DRAM1: variants seen among roughly 807,000 people sequenced by gnomAD.
DRAM1 encodes DNA damage-regulated autophagy modulator protein 1.
Under a neutral mutation model 28.5 loss-of-function variants are expected in DRAM1, and 25 were observed. The ratio of observed to expected loss-of-function variants is 0.88; its 90% CI spans 0.64 to 1.23. The LOEUF is 1.23. DRAM1 is among the 50% of genes most tolerant of loss of function. DRAM1 has a pLI of 0.00. For missense variants in DRAM1, 249 were observed against 299.2 expected (o/e 0.83, Z 1.24); for synonymous variants, 113 against 114.2 (o/e 0.99, Z 0.07).
At chr12:101,908,008 T>C (rs1873888363) in intron 3 of DRAM1, among the ~76,000 whole-genome samples, 178 bp from the exon 4 acceptor site, 2 of 152,102 alleles carry the variant, frequency 1.3e-5, no homozygotes, top group East Asian at 3.9e-4. Flanking sequence ...CAACCAACTT[T>C]TTGGCATTAA....
intron 2 of DRAM1, among the ~76,000 whole-genome samples, chr12:101,898,622 A>T (rs867255452): frequency 1.3e-5 from 2 of 152,208 alleles, no homozygotes; most frequent in Admixed American, 6.5e-5. Context: ...ATGAAAAGTC[A>T]CCTGGAGTTC....
chr12:101,913,674 C>G (rs1874122759), intron 4 of DRAM1, among the ~76,000 whole-genome samples: 1 of 144,032 alleles, frequency 6.9e-6, no homozygotes, highest in African/African-American at 2.6e-5. Flanking sequence ...CCATTGCACT[C>G]CAGCCTGGGT....
intron 5 of DRAM1, among the ~76,000 whole-genome samples, chr12:101,915,998 TA>T (rs1874230585): frequency 6.6e-6 from 1 of 152,210 alleles, no homozygotes; most frequent in South Asian, 2.1e-4. Context: ...ACGTTTCAAA[TA>T]GGGGAAATCT....
At chr12:101,895,925 T>C (rs4764675) in intron 1 of DRAM1, among the ~76,000 whole-genome samples, 76,804 of 150,384 alleles carry the variant, frequency 0.51, 19,919 homozygotes, top group East Asian at 0.63. Flanking sequence ...CTTGCTCTGT[T>C]GCCCAGGCTG....
intron 1 of DRAM1, among the ~76,000 whole-genome samples, chr12:101,881,816 C>T (rs1450034626): frequency 1.3e-5 from 2 of 152,182 alleles, no homozygotes; most frequent in East Asian, 3.8e-4. Context: ...TTATTATTCA[C>T]CACAGCACGT....
chr12:101,887,916 T>C (rs1413606334), intron 1 of DRAM1, among the ~76,000 whole-genome samples: 4 of 152,112 alleles, frequency 2.6e-5, no homozygotes, highest in Non-Finnish European at 5.9e-5. Flanking sequence ...GTGGTGATGT[T>C]GGCTTTCCTG....
Position 101,908,345 on chromosome 12 carries a change from T to C in DRAM1, c.502T>C (p.Cys168Arg). 1.2e-6 allele frequency: 2 copies of C among 1,610,448 alleles called. No homozygotes were observed. Among genetic ancestry groups the C allele is most frequent in the Non-Finnish European group, 1.7e-6 (2 of 1,178,976 alleles). ...HIRMVISAVS[C>R]AAVIPMIVCA... ...ACGGATGGTCATCTCTGCCGTTTCTTGCGCAGCTGTCATCCCCAGTATCCT... is the reference window on the plus strand; with the variant it reads ...ACGGATGGTCATCTCTGCCGTTTCTCGCGCAGCTGTCATCCCCAGTATCCT... The change falls in exon 4 of 7, where the codon TGC (cysteine) becomes CGC (arginine). Residue 168 changes from cysteine (C) to arginine (R), a missense_variant. Cys to Arg is a radical substitution (Grantham distance 180, BLOSUM62 -3). Transcript: ENST00000258534.
chr12:101,916,209 C>T (rs1366948821), intron 5 of DRAM1, among the ~76,000 whole-genome samples: 2 of 152,136 alleles, frequency 1.3e-5, no homozygotes, highest in Non-Finnish European at 1.5e-5. Context: ...GATGAGATAT[C>T]GAGGTTAGAA....
At chr12:101,905,771 TTATTTATTTATTTATG>T (rs1348506646) in intron 3 of DRAM1, among the ~76,000 whole-genome samples, 6 of 149,956 alleles carry the variant, frequency 4.0e-5, no homozygotes, top group African/African-American at 9.9e-5. Context: ...ATTTATTTAT[TTATTTATTTATTTATG>T]TATTTATTTA....
intron 1 of DRAM1, among the ~76,000 whole-genome samples, chr12:101,891,843 TAG>T (rs1489979719): frequency 6.6e-6 from 1 of 152,208 alleles, no homozygotes; most frequent in Non-Finnish European, 1.5e-5. Context: ...AGGAGCTGGG[TAG>T]AGAGACTACT....
Position 101,921,479 on chromosome 12 carries a change from T to G in DRAM1, c.*219T>G, listed in dbSNP as rs1361262215. On this transcript the variant is annotated 3_prime_UTR_variant, in exon 7 of 7. Transcript: ENST00000258534. Reference sequence around the variant, plus strand: ...GACACTGTAGTGATGTTTTTATAATTTTCTAAGTAGATTTTTTTATATTAA... The same window carrying G: ...GACACTGTAGTGATGTTTTTATAATGTTCTAAGTAGATTTTTTTATATTAA... 10 of 377,332 alleles carry G rather than the reference T, an allele frequency of 2.7e-5. No individual in the cohort carries two copies. Among genetic ancestry groups the G allele is most frequent in the Non-Finnish European group, 9.4e-6 (2 of 212,562 alleles). 23.4% of individuals were successfully genotyped at this position (377,332 alleles called of 1,614,324 possible).
At chr12:101,907,223 A>ACG (rs1873853805) in intron 3 of DRAM1, among the ~76,000 whole-genome samples, 3 of 141,834 alleles carry the variant, frequency 2.1e-5, no homozygotes, top group Non-Finnish European at 4.5e-5. Flanking sequence ...AAAAAAGAAG[A>ACG]AAAAAGAAGC....
chr12:101,878,334 G>A (rs1403274135), intron 1 of DRAM1, among the ~76,000 whole-genome samples: 2 of 152,172 alleles, frequency 1.3e-5, no homozygotes, highest in Non-Finnish European at 2.9e-5. Flanking sequence ...ATCCCTTGAA[G>A]TGGATGTTTG....
chr12:101,920,274 T>C (rs1453109459), intron 6 of DRAM1, 73 bp downstream of exon 6: 9 of 1,096,490 alleles, frequency 8.2e-6, no homozygotes, highest in Non-Finnish European at 1.2e-5. Context: ...GAAGACATTT[T>C]GCATTTTTAA....
intron 1 of DRAM1, among the ~76,000 whole-genome samples, chr12:101,887,914 G>C: frequency 6.6e-6 from 1 of 152,014 alleles, no homozygotes; most frequent in Non-Finnish European, 1.5e-5. Flanking sequence ...CAGTGGTGAT[G>C]TTGGCTTTCC....
rs552020829 is a variant in DRAM1, at chr12:101,880,226, A to AT, written c.131+2315dup. Among the ~76,000 whole-genome samples the AT allele has an allele frequency of 3.8e-3, 495 of 129,328 alleles. 1 individual carries two copies. The highest frequency in any genetic ancestry group is 0.012 in the African/African-American group (414 of 34,314). The allele number at this position is 129,328 out of a possible 152,430, so 84.8% of individuals were successfully genotyped here. ...CACAACCATGCCCAGCTAATTTTTA[A>AT]TTTTTTTTTGTATTTGTAGAGATGG... On this transcript the variant is annotated intron_variant, in intron 1 of 6. Transcript: ENST00000258534.
At chr12:101,898,998 T>A (rs1162771459) in intron 2 of DRAM1, among the ~76,000 whole-genome samples, 1 of 152,194 alleles carries the variant, frequency 6.6e-6, no homozygotes, top group Non-Finnish European at 1.5e-5. Flanking sequence ...TCTTAGTCCT[T>A]CTATAATCTC....
intron 5 of DRAM1, among the ~76,000 whole-genome samples, chr12:101,916,882 T>C (rs1174639588): frequency 2.0e-5 from 3 of 152,174 alleles, no homozygotes; most frequent in African/African-American, 7.2e-5. Flanking sequence ...CAGTTGTCAA[T>C]GGCTAAATGT....
intron 1 of DRAM1, among the ~76,000 whole-genome samples, chr12:101,888,595 G>C (rs1485822143): frequency 2.0e-5 from 3 of 152,058 alleles, no homozygotes; most frequent in Admixed American, 2.0e-4. Context: ...TTCAGCCTGA[G>C]TCTACTGTAA....
Sources: gnomAD v4.1 joint callset for allele counts (sites outside exome capture counted in the v4.1 genomes callset) on GRCh38, gnomAD v4.1.1 for gene constraint, MANE v1.5 for transcripts, NCBI Gene and HGNC (gene_info 2026-07-23, HGNC 2026-07-21) for gene names.